The following SET variants were observed in gnomAD, a reference collection of about 807,000 sequenced individuals.
The protein encoded by SET is SET nuclear proto-oncogene.
A neutral mutation model predicts 39.0 loss-of-function variants in SET; 4 were observed. The observed-to-expected ratio is 0.10, with a 90% CI of 0.05 to 0.23. The LOEUF is 0.23. Ranked by LOEUF, SET falls within the 10% of genes least tolerant of loss-of-function variation. SET has a pLI of 1.00. For missense variants in SET, 137 were observed against 329.7 expected (o/e 0.42, Z 4.53); for synonymous variants, 114 against 115.9 (o/e 0.98, Z 0.11).
rs151196764 is a variant in SET at position 128,692,263 on chromosome 9, G to A, written c.274+263G>A. ...AAATTAGCTGGGCGTGGTGGCGCGC[G>A]CTTGTAATCCCAGCTACTCGCTACT... On this transcript the variant is annotated intron_variant, in intron 3 of 7. Coordinates refer to ENST00000322030, the MANE Select transcript of SET (RefSeq NM_003011.4). The A allele has an allele frequency of 1.4e-3, 500 of 356,506 alleles. 9 individuals carry two copies. The East Asian group carries it at 0.022, about 16-fold the overall frequency. 22.1% of individuals were successfully genotyped at this position (356,506 alleles called of 1,614,324 possible). A position where few individuals can be genotyped will look rare whatever the true frequency, so the allele number is the denominator to read the frequency against.
chr9:128,690,277 G>A (rs1240949256), intron 1 of SET: 2 of 153,052 alleles, frequency 1.3e-5, no homozygotes, highest in Non-Finnish European at 2.9e-5. Flanking sequence ...CCAGCGTGCG[G>A]AGAAACCTGG....
upstream of SET, among the ~76,000 whole-genome samples, chr9:128,688,935 C>T (rs1223303655): frequency 6.6e-6 from 1 of 151,776 alleles, no homozygotes; most frequent in Non-Finnish European, 1.5e-5. Flanking sequence ...CGTGACGCGC[C>T]GGCCGGGGGC....
intron 1 of SET, chr9:128,690,876 T>C: frequency 4.7e-6 from 2 of 428,676 alleles, no homozygotes; most frequent in Non-Finnish European, 8.5e-6. Context: ...ATAAGGTTAT[T>C]CTGTGTCTTT....
At chr9:128,688,089 T>C (rs995230666), upstream of SET, among the ~76,000 whole-genome samples, 1 of 152,132 alleles carries the variant, frequency 6.6e-6, no homozygotes, top group African/African-American at 2.4e-5. Flanking sequence ...CACGTGCCTG[T>C]AGCCCCAGCT....
chr9:128,684,114 C>T (rs1861207455), intron 1 of SET: 18 of 880,268 alleles, frequency 2.0e-5, no homozygotes, highest in Non-Finnish European at 3.1e-5. Flanking sequence ...TAAGCACCCC[C>T]AAAGGGTTTT....
exon 1 of SET, chr9:128,683,873 G>A (rs1005650641): frequency 1.3e-6 from 2 of 1,539,592 alleles, no homozygotes; most frequent in South Asian, 1.2e-5. Flanking sequence ...CTCGTGGTCT[G>A]GTTCTGGGAC....
At chr9:128,688,454 A>G (rs1861363801), upstream of SET, among the ~76,000 whole-genome samples, 1 of 152,146 alleles carries the variant, frequency 6.6e-6, no homozygotes. Flanking sequence ...CCTCGGTGAG[A>G]TAACCGTGCC....
rs1164830313 is a variant in SET at position 128,689,258 on chromosome 9, C to T, written c.-325C>T. 3.0e-6 allele frequency: 3 copies of T among 1,003,980 alleles called. No homozygotes were observed. The highest frequency in any genetic ancestry group is 1.7e-5 in the African/African-American group (1 of 57,624). 62.2% of individuals were successfully genotyped at this position (1,003,980 alleles called of 1,614,324 possible). ...GGAGGAGGTGGAGGAGGAGGCGGCT[C>T]GGGAGAGCGAGCAGCGAGCTGGCTG... On this transcript the variant is annotated 5_prime_UTR_variant, in exon 1 of 8. Coordinates refer to ENST00000322030, the MANE Select transcript of SET (RefSeq NM_003011.4).
At chr9:128,689,964 G>A in intron 1 of SET, 1 of 673,136 alleles carries the variant, frequency 1.5e-6, no homozygotes, top group Non-Finnish European at 1.8e-6. Flanking sequence ...CTCCCGAGAA[G>A]CCTCTCTTTA....
At chr9:128,689,952 C>T (rs1365870970) in intron 1 of SET, 12 of 443,216 alleles carry the variant, frequency 2.7e-5, no homozygotes, top group African/African-American at 4.4e-5. Flanking sequence ...CCCCCTCCCT[C>T]CCTCCCGAGA....
intron 5 of SET, 32 bp downstream of exon 5, chr9:128,693,013 G>A (rs778607545): frequency 7.1e-7 from 1 of 1,416,828 alleles, no homozygotes; most frequent in Non-Finnish European, 9.9e-7. Flanking sequence ...GACAAAAATA[G>A]CATTTTGCCT....
chr9:128,685,975 C>G (rs569717030), upstream of SET, among the ~76,000 whole-genome samples: 22 of 151,568 alleles, frequency 1.5e-4, no homozygotes, highest in Admixed American at 1.4e-3. Flanking sequence ...TGCAATGAGC[C>G]GAGTTCGTGC....
At chr9:128,683,488 GA>G (rs948382067), upstream of SET, 226 of 212,584 alleles carry the variant, frequency 1.1e-3, no homozygotes, top group Middle Eastern at 3.0e-3. Flanking sequence ...GAGGCCAAAG[GA>G]AAAAAAAAAG....
At chr9:128,684,543 C>T (rs1270278195), upstream of SET, among the ~76,000 whole-genome samples, 1 of 152,084 alleles carries the variant, frequency 6.6e-6, no homozygotes, top group Non-Finnish European at 1.5e-5. Context: ...CCCTCCCTTG[C>T]CTCCCCGCGT....
chr9:128,685,139 T>C, upstream of SET: 3 of 1,574,592 alleles, frequency 1.9e-6, no homozygotes, highest in Admixed American at 1.9e-5. Flanking sequence ...GTTGGCACTT[T>C]TACTGGGTCT....
intron 3 of SET, 56 bp from the exon 4 acceptor site, chr9:128,692,606 T>A (rs1490090178): frequency 1.7e-6 from 2 of 1,157,646 alleles, no homozygotes; most frequent in African/African-American, 3.0e-5. Flanking sequence ...ATCACTTAAA[T>A]TGTTGTTAGT....
intron 5 of SET, among the ~76,000 whole-genome samples, chr9:128,693,211 T>C (rs1049328576): frequency 7.9e-5 from 12 of 152,216 alleles, no homozygotes; most frequent in Non-Finnish European, 1.5e-4. Flanking sequence ...CTGGGCAACA[T>C]AGACCCTTAC....
At chr9:128,688,437 T>C (rs1216372833), upstream of SET, among the ~76,000 whole-genome samples, 4 of 152,214 alleles carry the variant, frequency 2.6e-5, no homozygotes, top group East Asian at 3.9e-4. Flanking sequence ...TTGGGGCTGT[T>C]GTGAGGCCTC....
At chr9:128,694,068 CAA>C (rs752321206) in intron 7 of SET, 26 bp downstream of exon 7, 4 of 1,481,050 alleles carry the variant, frequency 2.7e-6, no homozygotes, top group Non-Finnish European at 3.6e-6. Context: ...GCTAAACCCA[CAA>C]AGATAACTTT....
Sources: gnomAD v4.1 joint callset for allele counts (sites outside exome capture counted in the v4.1 genomes callset) on GRCh38, gnomAD v4.1.1 for gene constraint, MANE v1.5 for transcripts, NCBI Gene and HGNC (gene_info 2026-07-23, HGNC 2026-07-21) for gene names.